The following SNX25 variants were observed in gnomAD, a reference collection of about 807,000 sequenced individuals.
SNX25 encodes the protein sorting nexin 25.
SNX25 carries 62 observed loss-of-function variants against 113.7 expected under a neutral mutation model. The ratio of observed to expected loss-of-function variants is 0.55; its 90% CI spans 0.44 to 0.67. The LOEUF is 0.67. Among genes scored for constraint, SNX25 ranks in the 30% least tolerant of loss-of-function variants. SNX25 has a pLI of 0.00. For synonymous variants in SNX25, 421 were observed against 436.2 expected (o/e 0.97, Z 0.43); for missense variants, 1,014 against 1,161.0 (o/e 0.87, Z 1.84).
chr4:185,276,817 C>G (rs918181173), intron 5 of SNX25, among the ~76,000 whole-genome samples: 3 of 152,186 alleles, frequency 2.0e-5, no homozygotes, highest in Non-Finnish European at 4.4e-5. Flanking sequence ...GCTGGCTGCC[C>G]TTGGAGGCAG....
chr4:185,371,499 A>AAG (rs2126788030), downstream of SNX25, among the ~76,000 whole-genome samples: 1 of 144,182 alleles, frequency 6.9e-6, no homozygotes, highest in Non-Finnish European at 1.5e-5. Context: ...CCGAGATCGC[A>AAG]CCACTGCACT....
chr4:185,308,203 G>A (rs1385747456), intron 6 of SNX25, among the ~76,000 whole-genome samples: 2 of 152,188 alleles, frequency 1.3e-5, no homozygotes, highest in Non-Finnish European at 2.9e-5. Context: ...TTCTCCACAA[G>A]CTGTAATACT....
chr4:185,338,595 T>G (rs1473113499), intron 10 of SNX25, among the ~76,000 whole-genome samples: 3 of 152,156 alleles, frequency 2.0e-5, no homozygotes, highest in Admixed American at 6.5e-5. Flanking sequence ...GCACCCTATA[T>G]TCTGTAAGTT....
chr4:185,275,517 G>T (rs1749554544), intron 5 of SNX25, among the ~76,000 whole-genome samples: 1 of 152,208 alleles, frequency 6.6e-6, no homozygotes, highest in Admixed American at 6.5e-5. Flanking sequence ...TTTCTCTTTA[G>T]CTATTAAAGG....
Position 185,310,721 on chromosome 4 carries a change from C to G in SNX25, c.1249C>G (p.Gln417Glu). Residue 417 changes from glutamine (Q) to glutamate (E), a missense_variant, in exon 7 of 19, where the codon CAG becomes GAG. Transcript: ENST00000652585. ...CAACCAACTGACTGTGGCAAAGAAGCAGTGTGAGAAGAGAATCCGAATCCT... is the reference window on the plus strand; with the variant it reads ...CAACCAACTGACTGTGGCAAAGAAGGAGTGTGAGAAGAGAATCCGAATCCT... The part of the protein sequence containing the change: ...YINQLTVAKK[Q>E]CEKRIRILGG... 1 of 1,613,970 alleles carries G rather than the reference C, an allele frequency of 6.2e-7. No homozygotes were observed. Among genetic ancestry groups the G allele is most frequent in the Non-Finnish European group, 8.5e-7 (1 of 1,179,940 alleles).
intron 10 of SNX25, among the ~76,000 whole-genome samples, chr4:185,335,695 G>A (rs2095225579): frequency 6.6e-6 from 1 of 152,098 alleles, no homozygotes; most frequent in South Asian, 2.1e-4. Context: ...TTGTGAGTCT[G>A]GAGCAAACTG....
At chr4:185,294,898 G>A (rs1752644163) in intron 6 of SNX25, among the ~76,000 whole-genome samples, 1 of 151,768 alleles carries the variant, frequency 6.6e-6, no homozygotes, top group South Asian at 2.1e-4. Context: ...TCAGTATGTA[G>A]TAACTTATTG....
chr4:185,240,096 TC>T (rs1483351173), intron 1 of SNX25, among the ~76,000 whole-genome samples: 1 of 151,804 alleles, frequency 6.6e-6, no homozygotes. Context: ...AGGTCATAGA[TC>T]AACAGGATCC....
intron 1 of SNX25, among the ~76,000 whole-genome samples, chr4:185,243,640 TA>T (rs1744408575): frequency 6.6e-6 from 1 of 152,034 alleles, no homozygotes; most frequent in Non-Finnish European, 1.5e-5. Flanking sequence ...CTATACCCAT[TA>T]AACATTAACT....
chr4:185,258,993 T>TA lies in SNX25; in HGVS notation c.663dup (p.Val222SerfsTer5). On this transcript the variant is annotated frameshift_variant, in exon 3 of 19. Transcript: ENST00000652585. LOFTEE classifies it high-confidence loss of function. ...ACAGACTGAGTCACGTGGATGTGGTTAAAGTTGTCTGCAATGATGTTGTGA... is the reference window on the plus strand; with the variant it reads ...ACAGACTGAGTCACGTGGATGTGGTTAAAAGTTGTCTGCAATGATGTTGTGA... 4 of 1,614,190 alleles carry TA rather than the reference T, an allele frequency of 2.5e-6. No individual in the cohort carries two copies. The highest frequency in any genetic ancestry group is 3.4e-6 in the Non-Finnish European group (4 of 1,180,022).
At chr4:185,225,995 A>G (rs1054210268) in intron 1 of SNX25, among the ~76,000 whole-genome samples, 1 of 152,218 alleles carries the variant, frequency 6.6e-6, no homozygotes, top group Admixed American at 6.5e-5. Context: ...GGATCTGCTT[A>G]GGACTTAATG....
At position 185,287,275 on chromosome 4, in the gene SNX25, G is replaced by C. The variant is rs547864600; in HGVS notation, c.1092-737G>C. On this transcript the variant is annotated intron_variant, in intron 5 of 18. Coordinates refer to ENST00000652585, the MANE Select transcript of SNX25 (RefSeq NM_001378034.2). ...TTCTTAGGCACACATATATATAGCT[G>C]GTGCTCTAATCTCATGCTTCTCAGC... Among the ~76,000 whole-genome samples, 10 of 152,246 alleles carry C rather than the reference G, an allele frequency of 6.6e-5. No individual in the cohort carries two copies. In the South Asian group the frequency reaches 2.1e-3, roughly 32 times the overall value.
At chr4:185,207,053 G>A (rs1737217443), upstream of SNX25, among the ~76,000 whole-genome samples, 1 of 152,124 alleles carries the variant, frequency 6.6e-6, no homozygotes, top group Non-Finnish European at 1.5e-5. Flanking sequence ...CTGGGCCACA[G>A]CTGATTGGAC....
chr4:185,378,041 A>G, the SNX25 span: 1 of 1,500,304 alleles, frequency 6.7e-7, no homozygotes, highest in Non-Finnish European at 9.2e-7. Flanking sequence ...TGAACTGTTA[A>G]AGTGTTTTCC....
At position 185,323,648 on chromosome 4, in the gene SNX25, A is replaced by G; in HGVS notation, c.1597A>G (p.Ile533Val). The change falls in exon 9 of 19, where the codon ATT becomes GTT. Residue 533 changes from isoleucine to valine, a missense_variant. Transcript: ENST00000652585. Reference sequence around the variant, plus strand: ...GCAGTGTCTTGTAGGAAATAAAGGTATTGAAGTATTCTACAAAATCCAGGA... The same window carrying G: ...GCAGTGTCTTGTAGGAAATAAAGGTGTTGAAGTATTCTACAAAATCCAGGA... ...IQQCLVGNKG[I>V]EVFYKIQEDV... 3.7e-6 allele frequency: 6 copies of G among 1,613,818 alleles called. No individual in the cohort carries two copies. The highest frequency in any genetic ancestry group is 4.2e-6 in the Non-Finnish European group (5 of 1,179,814).
Position 185,267,085 on chromosome 4 carries a change from GC to G in SNX25, c.1026del (p.Ser343LeufsTer18). 6.2e-7 allele frequency: 1 copy of G among 1,613,988 alleles called. No individual in the cohort carries two copies. Among genetic ancestry groups the G allele is most frequent in the Non-Finnish European group, 8.5e-7 (1 of 1,179,956 alleles). On this transcript the variant is annotated frameshift_variant, in exon 5 of 19. Coordinates refer to ENST00000652585, the MANE Select transcript of SNX25 (RefSeq NM_001378034.2). LOFTEE classifies it high-confidence loss of function. ...NEHHKRAYTY[A>X]PSYEDFIKLI... ...GCATCACAAGAGAGCCTACACCTAT[GC>G]CCCCTCTTACGAGGACTTCATCAAG... is the stretch of plus-strand genomic sequence containing the variant.
intron 1 of SNX25, among the ~76,000 whole-genome samples, chr4:185,234,459 G>T (rs1325538436): frequency 2.4e-5 from 2 of 82,346 alleles, no homozygotes; most frequent in Admixed American, 1.3e-4. Context: ...GAGGCGGGCG[G>T]ATCACGAGGT....
intron 16 of SNX25, 83 bp downstream of exon 16, chr4:185,357,820 G>A: frequency 8.9e-7 from 1 of 1,124,200 alleles, no homozygotes; most frequent in Non-Finnish European, 1.3e-6. Flanking sequence ...CTAGCAGCCA[G>A]TCATTTAACT....
intron 1 of SNX25, among the ~76,000 whole-genome samples, chr4:185,239,266 G>A (rs56063244): frequency 0.49 from 54,881 of 112,698 alleles, 10,355 homozygotes; most frequent in East Asian, 0.68. Flanking sequence ...CAGATCACTT[G>A]AGGTCAGGAG....
Sources: gnomAD v4.1 joint callset for allele counts (sites outside exome capture counted in the v4.1 genomes callset) on GRCh38, gnomAD v4.1.1 for gene constraint, MANE v1.5 for transcripts, NCBI Gene and HGNC (gene_info 2026-07-23, HGNC 2026-07-21) for gene names.